The following CCDC60 variants were observed in gnomAD, a reference collection of about 807,000 sequenced individuals.
CCDC60 encodes coiled-coil domain containing 60, also known as coiled-coil domain-containing protein 60.
Under a neutral mutation model 63.5 loss-of-function variants are expected in CCDC60, and 54 were observed. The observed-to-expected ratio is 0.85, with a 90% CI of 0.68 to 1.07. The LOEUF (loss-of-function observed/expected upper bound fraction) is 1.07, where lower values mean the gene tolerates loss of function less well. CCDC60 is among the 50% of genes least tolerant of loss of function. CCDC60 has a pLI of 0.00. For missense variants in CCDC60, 651 were observed against 684.3 expected (o/e 0.95, Z 0.54); for synonymous variants, 206 against 238.8 (o/e 0.86, Z 1.27).
chr12:119,398,020 C>T (rs1437573696), intron 1 of CCDC60, among the ~76,000 whole-genome samples: 2 of 25,954 alleles, frequency 7.7e-5, no homozygotes, highest in East Asian at 0.012. Flanking sequence ...AGGAAGGGGG[C>T]GGCGGGAGGG....
At chr12:119,401,460 A>G (rs923462962) in intron 1 of CCDC60, among the ~76,000 whole-genome samples, 1 of 152,188 alleles carries the variant, frequency 6.6e-6, no homozygotes, top group Non-Finnish European at 1.5e-5. Flanking sequence ...GACAAGACGC[A>G]ATCTTGGCCC....
intron 1 of CCDC60, among the ~76,000 whole-genome samples, chr12:119,340,655 AT>A (rs1285513876): frequency 6.6e-6 from 1 of 152,064 alleles, no homozygotes; most frequent in Non-Finnish European, 1.5e-5. Context: ...TTTGAGAAAC[AT>A]TTTCCCCAAC....
At chr12:119,382,844 C>T (rs769924470) in intron 1 of CCDC60, among the ~76,000 whole-genome samples, 10 of 152,146 alleles carry the variant, frequency 6.6e-5, no homozygotes, top group African/African-American at 9.7e-5. Context: ...GACTATCTCA[C>T]CACCCACCCA....
intron 1 of CCDC60, among the ~76,000 whole-genome samples, chr12:119,373,652 C>G (rs192729552): frequency 0.019 from 1,705 of 89,056 alleles, 15 homozygotes; most frequent in Admixed American, 0.036. Context: ...AAGATACTTT[C>G]TCTCCGGGGT....
chr12:119,507,477 CATAT>C (rs2136437579), intron 7 of CCDC60, among the ~76,000 whole-genome samples: 1 of 141,152 alleles, frequency 7.1e-6, no homozygotes, highest in East Asian at 2.0e-4. Flanking sequence ...CATATATATA[CATAT>C]ATACACATAT....
intron 1 of CCDC60, among the ~76,000 whole-genome samples, chr12:119,415,382 G>C (rs1418085017): frequency 1.3e-5 from 2 of 152,228 alleles, no homozygotes; most frequent in African/African-American, 4.8e-5. Flanking sequence ...GAGGCTCACT[G>C]GCTAGACCAT....
intron 7 of CCDC60, among the ~76,000 whole-genome samples, chr12:119,515,783 G>C (rs1271766755): frequency 6.6e-6 from 1 of 152,174 alleles, no homozygotes; most frequent in Non-Finnish European, 1.5e-5. Context: ...TCCTTTCTAG[G>C]GAAGCTGGAG....
rs1210899447 is a variant in CCDC60, at chr12:119,477,983, T to G, written c.342-1111T>G. ...GAAAAAGAGAGTGGATTAATTAAAATATATCTGTGGGCTGAATTTGGCCAT... is the reference window on the plus strand; with the variant it reads ...GAAAAAGAGAGTGGATTAATTAAAAGATATCTGTGGGCTGAATTTGGCCAT... On this transcript the variant is annotated intron_variant, in intron 3 of 13. Coordinates refer to ENST00000327554, the MANE Select transcript of CCDC60 (RefSeq NM_178499.5). Among the ~76,000 whole-genome samples, 3 of 151,968 alleles carry G rather than the reference T, an allele frequency of 2.0e-5. No homozygotes were observed. In the East Asian group the frequency reaches 5.8e-4, roughly 29 times the overall value.
chr12:119,456,056 AAAGAAAGCAAGC>A lies in CCDC60; in HGVS notation c.171-15934_171-15923del, dbSNP rs1462321857. On this transcript the variant is annotated intron_variant, in intron 2 of 13. Coordinates refer to ENST00000327554, the MANE Select transcript of CCDC60 (RefSeq NM_178499.5). The surrounding 1 kb of genome is among the most constrained non-coding windows in gnomAD (Gnocchi z 4.6). Reference sequence around the variant, plus strand: ...GAAAGAAAGAAAGAAAGAAAGAAAGAAAGAAAGCAAGCAAGCATGTGCAATTTCAAGGGGGTA... The same window carrying A: ...GAAAGAAAGAAAGAAAGAAAGAAAGAAAGCATGTGCAATTTCAAGGGGGTA... Among the ~76,000 whole-genome samples the A allele has an allele frequency of 0.031, 2,980 of 96,798 alleles. 106 individuals carry two copies. Among genetic ancestry groups the A allele is most frequent in the East Asian group, 0.11 (232 of 2,122 alleles). The allele number at this position is 96,798 out of a possible 152,430, so 63.5% of individuals were successfully genotyped here.
At chr12:119,426,368 T>C (rs1247431096) in intron 1 of CCDC60, among the ~76,000 whole-genome samples, 1 of 148,288 alleles carries the variant, frequency 6.7e-6, no homozygotes, top group Non-Finnish European at 1.5e-5. Context: ...TTTTGTTTTG[T>C]TTTTTTGAGA....
intron 4 of CCDC60, among the ~76,000 whole-genome samples, chr12:119,486,654 A>C (rs1951447442): frequency 6.6e-6 from 1 of 152,214 alleles, no homozygotes; most frequent in African/African-American, 2.4e-5. Flanking sequence ...AGAGTTTCTC[A>C]TGGTAGTTTT....
intron 1 of CCDC60, among the ~76,000 whole-genome samples, chr12:119,337,808 ATG>A (rs796285545): frequency 6.2e-4 from 86 of 138,080 alleles, no homozygotes; most frequent in African/African-American, 2.3e-3. Context: ...AGATTCACGC[ATG>A]TGTGTGTGTG....
At chr12:119,488,698 T>G in intron 4 of CCDC60, 61 bp from the exon 5 acceptor site, 1 of 1,439,770 alleles carries the variant, frequency 6.9e-7, no homozygotes, top group Non-Finnish European at 9.8e-7. Context: ...TCTGTGGCTA[T>G]TTTTGCGAAG....
chr12:119,349,750 A>G (rs1955636012), intron 1 of CCDC60, among the ~76,000 whole-genome samples: 1 of 152,174 alleles, frequency 6.6e-6, no homozygotes, highest in South Asian at 2.1e-4. Context: ...AACCCTGTGA[A>G]GTCTCCATCC....
chr12:119,520,569 T>A (rs148832939), intron 9 of CCDC60, among the ~76,000 whole-genome samples: 42 of 145,280 alleles, frequency 2.9e-4, no homozygotes, highest in African/African-American at 8.9e-4. Context: ...TGAGATGGAC[T>A]CTCACTCTGT....
chr12:119,532,969 T>C (rs527681366), intron 13 of CCDC60, among the ~76,000 whole-genome samples: 77 of 152,332 alleles, frequency 5.1e-4, no homozygotes, highest in African/African-American at 1.8e-3. Flanking sequence ...TATTTCTGGC[T>C]CTAGATCCTT....
rs1950752290 is a variant in CCDC60, at chr12:119,456,502, A to G, written c.171-15492A>G. 6.6e-6 allele frequency among the ~76,000 whole-genome samples: 1 copy of G among 152,170 alleles called. No homozygotes were observed. Among genetic ancestry groups the G allele is most frequent in the Non-Finnish European group, 1.5e-5 (1 of 68,024 alleles). On this transcript the variant is annotated intron_variant, in intron 2 of 13. Coordinates refer to ENST00000327554, the MANE Select transcript of CCDC60 (RefSeq NM_178499.5). This position sits in a 1 kb window ranked among gnomAD's most constrained non-coding sequence, Gnocchi z 4.6. ...TACAGTCCCTTCATGGTCACTAGAA[A>G]GATGTTACATGAAAGGGGTCCCAAT...
At chr12:119,356,091 A>G (rs970118003) in intron 1 of CCDC60, among the ~76,000 whole-genome samples, 1 of 152,322 alleles carries the variant, frequency 6.6e-6, no homozygotes, top group African/African-American at 2.4e-5. Flanking sequence ...CAAATAGTGG[A>G]CCTATTATCT....
intron 1 of CCDC60, among the ~76,000 whole-genome samples, chr12:119,414,720 G>A (rs565758169): frequency 7.9e-5 from 12 of 151,918 alleles, no homozygotes; most frequent in Non-Finnish European, 1.5e-4. Flanking sequence ...CCAGCTAATT[G>A]TTTTGTTTTT....
Sources: allele counts gnomAD v4.1 joint callset (sites outside exome capture counted in the v4.1 genomes callset), GRCh38; gene constraint gnomAD v4.1.1; non-coding constraint Gnocchi (gnomAD v3.1); transcripts MANE v1.5; gene names NCBI Gene and HGNC (gene_info 2026-07-23, HGNC 2026-07-21).